The following DHRSX variants were observed in gnomAD, a reference collection of about 807,000 sequenced individuals.
DHRSX encodes the protein dehydrogenase/reductase X-linked.
A neutral mutation model predicts 34.0 loss-of-function variants in DHRSX; 31 were observed. That is an observed-to-expected ratio of 0.91 (90% CI 0.69 to 1.23). DHRSX has a LOEUF of 1.23. Ranked by LOEUF, DHRSX falls within the 50% of genes most tolerant of loss-of-function variation. The probability of loss-of-function intolerance (pLI) is 0.00; values close to 1 mark genes in which losing one functional copy is unlikely to be tolerated. For missense variants in DHRSX, 414 were observed against 428.1 expected, an observed-to-expected ratio of 0.97 and a Z score of 0.29; for synonymous variants, 201 against 183.8, an observed-to-expected ratio of 1.09 and a Z score of -0.76.
At chrX:2,378,385 A>G (rs2043166063) in intron 3 of DHRSX, among the ~76,000 whole-genome samples, 2 of 152,106 alleles carry the variant, frequency 1.3e-5, no homozygotes, top group African/African-American at 4.8e-5. Context: ...GCTTGAATTG[A>G]ATGGGTGTCC....
At chrX:2,328,774 C>T (rs1325291683) in intron 3 of DHRSX, among the ~76,000 whole-genome samples, 1 of 152,158 alleles carries the variant, frequency 6.6e-6, no homozygotes, top group East Asian at 1.9e-4. Context: ...CCCTAGGTGA[C>T]TAATACAACA....
chrX:2,272,280 C>T (rs530817610), intron 4 of DHRSX, among the ~76,000 whole-genome samples: 3 of 152,128 alleles, frequency 2.0e-5, no homozygotes, highest in Non-Finnish European at 4.4e-5. Context: ...AATCTGGAGA[C>T]ACACAGCTCA....
In DHRSX at chrX:2,369,692, C is replaced by T. The variant is rs773578807; in HGVS notation, c.286+39053G>A. Among the ~76,000 whole-genome samples, 4 of 152,064 alleles carry T rather than the reference C, an allele frequency of 2.6e-5. No homozygotes were observed. The South Asian group carries it at 8.3e-4, about 32-fold the overall frequency. On this transcript the variant is annotated intron_variant, in intron 3 of 6. Coordinates refer to ENST00000334651, the MANE Select transcript of DHRSX (RefSeq NM_145177.3). ...TAATTTTTTCTATTTTTAGTAGAGA[C>T]GGGGTTTCACCATGTTGGCCAGGCT...
intron 3 of DHRSX, among the ~76,000 whole-genome samples, chrX:2,331,307 G>A (rs1451306093): frequency 6.6e-6 from 1 of 151,804 alleles, no homozygotes; most frequent in Non-Finnish European, 1.5e-5. Context: ...CCCCCTCAAT[G>A]TCATTCATGA....
At chrX:2,259,385 TAG>T (rs1556439699) in intron 5 of DHRSX, among the ~76,000 whole-genome samples, 15 of 66,238 alleles carry the variant, frequency 2.3e-4, no homozygotes, top group African/African-American at 7.3e-4. Context: ...GATATATATA[TAG>T]ATATATAGAT....
chrX:2,286,365 G>A (rs1281953241), intron 4 of DHRSX, among the ~76,000 whole-genome samples: 2 of 152,176 alleles, frequency 1.3e-5, no homozygotes, highest in Non-Finnish European at 2.9e-5. Context: ...AGGTTCATCT[G>A]GCCCAAGCCT....
intron 5 of DHRSX, among the ~76,000 whole-genome samples, chrX:2,248,176 G>A (rs192082587): frequency 1.5e-3 from 229 of 152,068 alleles, no homozygotes; most frequent in African/African-American, 4.5e-3. Flanking sequence ...GCTCACGTCT[G>A]TAATCCCAGC....
At chrX:2,333,777 G>C (rs187069264) in intron 3 of DHRSX, among the ~76,000 whole-genome samples, 1 of 152,150 alleles carries the variant, frequency 6.6e-6, no homozygotes, top group Admixed American at 6.5e-5. Flanking sequence ...CCCAATGTCT[G>C]TTGTTCCTTT....
intron 6 of DHRSX, among the ~76,000 whole-genome samples, chrX:2,226,981 G>A (rs1346334122): frequency 6.6e-6 from 1 of 151,942 alleles, no homozygotes; most frequent in Non-Finnish European, 1.5e-5. Flanking sequence ...AAGGGTTCGA[G>A]TCAGCCTTCC....
At chrX:2,314,781 T>C (rs1348169748) in intron 3 of DHRSX, among the ~76,000 whole-genome samples, 1 of 152,050 alleles carries the variant, frequency 6.6e-6, no homozygotes, top group Non-Finnish European at 1.5e-5. Context: ...AATCAGAACT[T>C]CGTCCTCATG....
chrX:2,221,058 G>A lies in DHRSX; in HGVS notation c.976C>T (p.Leu326Phe). 6.2e-7 allele frequency: 1 copy of A among 1,613,866 alleles called. No homozygotes were observed. Among genetic ancestry groups the A allele is most frequent in the Non-Finnish European group, 8.5e-7 (1 of 1,179,840 alleles). The change falls in exon 7 of 7, where the codon CTT becomes TTT. Residue 326 changes from leucine (L) to phenylalanine (F), a missense_variant. Physicochemically the swap from Leu to Phe is conservative, Grantham distance 22. Coordinates refer to ENST00000334651, the MANE Select transcript of DHRSX (RefSeq NM_145177.3). ...ACAGGATATCACAGGGTCACATCAA[G>A]GACCCCAGTCATCTCACAACTCTTA... ...WSKSCEMTGV[L>F]DVTL
chrX:2,292,713 C>A (rs912798763), intron 3 of DHRSX, among the ~76,000 whole-genome samples: 5 of 152,122 alleles, frequency 3.3e-5, no homozygotes, highest in African/African-American at 1.2e-4. Flanking sequence ...AACTAATACA[C>A]AAAATGGCTC....
At chrX:2,295,946 T>C (rs935219049) in intron 3 of DHRSX, among the ~76,000 whole-genome samples, 37 of 152,158 alleles carry the variant, frequency 2.4e-4, no homozygotes, top group Admixed American at 7.9e-4. Flanking sequence ...TTGACTTTCC[T>C]TTTCTGGGAT....
At chrX:2,474,755 A>G (rs1032822486) in intron 1 of DHRSX, among the ~76,000 whole-genome samples, 1 of 149,296 alleles carries the variant, frequency 6.7e-6, no homozygotes, top group African/African-American at 2.5e-5. Flanking sequence ...GAATGCAGCT[A>G]AAAGATGGCA....
intron 1 of DHRSX, among the ~76,000 whole-genome samples, chrX:2,485,789 A>AGGGAAG (rs2044895387): frequency 3.9e-4 from 10 of 25,726 alleles, no homozygotes; most frequent in Non-Finnish European, 6.0e-4. Context: ...GAAAAGGGAG[A>AGGGAAG]GAAGGGAGAG....
At chrX:2,420,415 T>A (rs770618763) in intron 2 of DHRSX, among the ~76,000 whole-genome samples, 132 of 124,330 alleles carry the variant, frequency 1.1e-3, no homozygotes, top group African/African-American at 1.8e-3. Context: ...TCTCAAAAAA[T>A]AATAATAATA....
chrX:2,358,115 TACTC>T (rs1281013271), intron 3 of DHRSX, among the ~76,000 whole-genome samples: 1 of 152,292 alleles, frequency 6.6e-6, no homozygotes, highest in East Asian at 1.9e-4. Flanking sequence ...TTTCTGAAGT[TACTC>T]AGTTGAGAAA....
At chrX:2,392,443 C>A (rs1239625497) in intron 3 of DHRSX, 1 of 308,148 alleles carries the variant, frequency 3.2e-6, no homozygotes, top group South Asian at 2.9e-5. Flanking sequence ...AGAGGCAAAG[C>A]CAGCCCGGGC....
At chrX:2,479,339 TG>T (rs1253191809) in intron 1 of DHRSX, among the ~76,000 whole-genome samples, 1 of 147,302 alleles carries the variant, frequency 6.8e-6, no homozygotes, top group Non-Finnish European at 1.5e-5. Context: ...TCCCTAAGCT[TG>T]TGGCTAAGGG....
Sources: allele counts gnomAD v4.1 joint callset (sites outside exome capture counted in the v4.1 genomes callset), GRCh38; gene constraint gnomAD v4.1.1; transcripts MANE v1.5; gene names NCBI Gene and HGNC (gene_info 2026-07-23, HGNC 2026-07-21).